The following KCNC2 variants were observed in gnomAD, a reference collection of about 807,000 sequenced individuals.
KCNC2 encodes potassium voltage-gated channel subfamily C member 2.
In KCNC2, 21 loss-of-function variants were observed where a neutral mutation model predicts 44.5. The ratio of observed to expected loss-of-function variants is 0.47; its 90% CI spans 0.33 to 0.68. The LOEUF (loss-of-function observed/expected upper bound fraction) is 0.68. KCNC2 is among the 30% of genes least tolerant of loss of function. The probability of loss-of-function intolerance (pLI) is 0.01; values close to 1 mark genes in which losing one functional copy is unlikely to be tolerated. For synonymous variants in KCNC2, 391 were observed against 339.1 expected (o/e 1.15, Z -1.68); for missense variants, 589 against 826.2 (o/e 0.71, Z 3.52).
At chr12:75,186,920 G>C (rs1051726323) in intron 2 of KCNC2, among the ~76,000 whole-genome samples, 7 of 152,074 alleles carry the variant, frequency 4.6e-5, no homozygotes, top group African/African-American at 1.7e-4. Context: ...GTTTTACATG[G>C]AAAAGTAAAT....
intron 2 of KCNC2, among the ~76,000 whole-genome samples, chr12:75,154,935 G>A (rs962376985): frequency 6.6e-6 from 1 of 151,826 alleles, no homozygotes; most frequent in African/African-American, 2.4e-5. Flanking sequence ...TTCTGTCACT[G>A]TTCTGTCTTT....
chr12:75,196,612 G>C (rs1335407510), intron 2 of KCNC2, among the ~76,000 whole-genome samples: 6 of 151,904 alleles, frequency 3.9e-5, no homozygotes, highest in African/African-American at 1.4e-4. Context: ...GTCCAGATGA[G>C]AAAAAAGGAG....
intron 2 of KCNC2, among the ~76,000 whole-genome samples, chr12:75,067,622 AAAAT>A: frequency 6.6e-6 from 1 of 152,268 alleles, no homozygotes; most frequent in East Asian, 1.9e-4. Flanking sequence ...TGTTTGAAGA[AAAAT>A]AATATCCAAA....
At position 75,198,618 on chromosome 12, in the gene KCNC2, C is replaced by CT. The variant is rs2030976539; in HGVS notation, c.687+8678_687+8679insA. 5.3e-5 allele frequency among the ~76,000 whole-genome samples: 8 copies of CT among 151,924 alleles called. No homozygotes were observed. The South Asian group carries it at 1.7e-3, about 31-fold the overall frequency. On this transcript the variant is annotated intron_variant, in intron 2 of 4. Transcript: ENST00000549446. The stretch of plus-strand genomic sequence containing the variant: ...TACTTTTATCTAAAAATTAATACAT[C>CT]AACATCGGTAAGGAAGTTTGTTACT...
At chr12:75,069,129 C>CTTTTTTTTTTTTTT (rs1158151551) in intron 2 of KCNC2, among the ~76,000 whole-genome samples, 1,362 of 63,654 alleles carry the variant, frequency 0.021, 378 homozygotes, top group South Asian at 0.032. Context: ...TTTATATAAT[C>CTTTTTTTTTTTTTT]TTTTTTTTTT....
intron 2 of KCNC2, among the ~76,000 whole-genome samples, chr12:75,167,418 T>C (rs1022444700): frequency 6.6e-6 from 1 of 151,368 alleles, no homozygotes; most frequent in African/African-American, 2.4e-5. Flanking sequence ...AAATAAAAGC[T>C]TCTTATGAAT....
intron 2 of KCNC2, among the ~76,000 whole-genome samples, chr12:75,084,038 T>C (rs1354904318): frequency 1.3e-5 from 2 of 152,126 alleles, no homozygotes; most frequent in South Asian, 4.1e-4. Flanking sequence ...GTTTAATTTT[T>C]GATTTGAGAG....
intron 2 of KCNC2, among the ~76,000 whole-genome samples, chr12:75,095,417 G>A (rs772861408): frequency 3.3e-5 from 5 of 151,432 alleles, no homozygotes; most frequent in Admixed American, 2.0e-4. Flanking sequence ...ATTTTTCCCC[G>A]GCCCTGCAAA....
intron 2 of KCNC2, among the ~76,000 whole-genome samples, chr12:75,188,584 G>A (rs767845932): frequency 2.0e-5 from 3 of 147,868 alleles, no homozygotes; most frequent in Admixed American, 1.3e-4. Context: ...CAAGGTGGCC[G>A]GGCGCGGTGG....
At chr12:75,208,836 ATAT>A (rs1456448602) in intron 1 of KCNC2, among the ~76,000 whole-genome samples, 1 of 151,940 alleles carries the variant, frequency 6.6e-6, no homozygotes, top group Non-Finnish European at 1.5e-5. Flanking sequence ...ATTGTTGTTG[ATAT>A]TATTATTACT....
chr12:75,156,169 T>C (rs1022096525), intron 2 of KCNC2, among the ~76,000 whole-genome samples: 2 of 151,700 alleles, frequency 1.3e-5, no homozygotes, highest in Non-Finnish European at 2.9e-5. Flanking sequence ...TAGCTAGATA[T>C]AGCACCAAGG....
intron 2 of KCNC2, among the ~76,000 whole-genome samples, chr12:75,063,771 C>A (rs756690117): frequency 6.6e-6 from 1 of 152,010 alleles, no homozygotes; most frequent in Non-Finnish European, 1.5e-5. Flanking sequence ...GCAAAATATG[C>A]ATATGAACCA....
intron 2 of KCNC2, among the ~76,000 whole-genome samples, chr12:75,105,646 A>G (rs1166961863): frequency 6.6e-6 from 1 of 152,192 alleles, no homozygotes; most frequent in Admixed American, 6.5e-5. Context: ...AAGGAATCGA[A>G]TGTAAAGAAT....
chr12:75,042,387 A>C lies in KCNC2; in HGVS notation c.*718T>G. 3 of 1,609,874 alleles carry C rather than the reference A, an allele frequency of 1.9e-6. No individual in the cohort carries two copies. Among genetic ancestry groups the C allele is most frequent in the Non-Finnish European group, 2.5e-6 (3 of 1,177,402 alleles). ...TCTTTGCAGTTATCTGTGTGCAAAC[A>C]ACCAGAGACATTCAGAACTCCAATA... On this transcript the variant is annotated 3_prime_UTR_variant, in exon 5 of 5. Coordinates refer to ENST00000549446, the MANE Select transcript of KCNC2 (RefSeq NM_139137.4).
At chr12:75,183,022 C>T (rs1489604204) in intron 2 of KCNC2, among the ~76,000 whole-genome samples, 1 of 152,198 alleles carries the variant, frequency 6.6e-6, no homozygotes, top group Non-Finnish European at 1.5e-5. Flanking sequence ...CATGGCCATC[C>T]GGCCCTTCTG....
chr12:75,043,904 CATG>C, intron 4 of KCNC2: 3 of 782,802 alleles, frequency 3.8e-6, no homozygotes, highest in Non-Finnish European at 5.7e-6. Context: ...AATTTGATTA[CATG>C]ATGTTTTCAG....
intron 2 of KCNC2, among the ~76,000 whole-genome samples, chr12:75,182,538 C>CAAAAAAAAACA (rs796239884): frequency 2.4e-5 from 3 of 123,576 alleles, no homozygotes; most frequent in Non-Finnish European, 4.9e-5. Context: ...AAAAAAAAAA[C>CAAAAAAAAACA]AAAAAAAACA....
chr12:75,207,662 G>T lies in KCNC2; in HGVS notation c.322C>A (p.Pro108Thr). ...GGREFFFDRH[P>T]GVFAYVLNYY... Reference sequence around the variant, plus strand: ...TTGAGCACATAGGCGAAGACGCCCGGGTGCCGGTCGAAGAAGAACTCGCGG... The same window carrying T: ...TTGAGCACATAGGCGAAGACGCCCGTGTGCCGGTCGAAGAAGAACTCGCGG... Residue 108 changes from proline (P) to threonine (T), a missense_variant, in exon 2 of 5, where the codon CCG (proline) becomes ACG (threonine). Coordinates refer to ENST00000549446, the MANE Select transcript of KCNC2 (RefSeq NM_139137.4). This position sits in a 1 kb window ranked among gnomAD's most constrained non-coding sequence, Gnocchi z 4.1. 6.2e-7 allele frequency: 1 copy of T among 1,610,730 alleles called. No individual in the cohort carries two copies. The highest frequency in any genetic ancestry group is 8.5e-7 in the Non-Finnish European group (1 of 1,179,418).
At chr12:75,154,636 A>G (rs895053014) in intron 2 of KCNC2, among the ~76,000 whole-genome samples, 1 of 152,074 alleles carries the variant, frequency 6.6e-6, no homozygotes, top group Non-Finnish European at 1.5e-5. Flanking sequence ...ATGCCATCAT[A>G]TTTTAAAAAA....
Sources: gnomAD v4.1 joint callset for allele counts (sites outside exome capture counted in the v4.1 genomes callset) on GRCh38, gnomAD v4.1.1 for gene constraint, Gnocchi (gnomAD v3.1) non-coding constraint, MANE v1.5 for transcripts, NCBI Gene and HGNC (gene_info 2026-07-23, HGNC 2026-07-21) for gene names.